SWT1: variants seen among roughly 807,000 people sequenced by gnomAD.
SWT1 encodes the protein SWT1 RNA endoribonuclease homolog.
SWT1 carries 33 observed loss-of-function variants against 107.3 expected under a neutral mutation model. That is an observed-to-expected ratio of 0.31 (90% CI 0.23 to 0.41). SWT1 has a LOEUF of 0.41. Among genes scored for constraint, SWT1 ranks in the 10% least tolerant of loss-of-function variants. SWT1 has a pLI of 1.00. For synonymous variants in SWT1, 345 were observed against 348.3 expected (o/e 0.99, Z 0.11); for missense variants, 898 against 1,028.9 (o/e 0.87, Z 1.74).
At chr1:185,236,194 C>T (rs1660861983) in intron 16 of SWT1, among the ~76,000 whole-genome samples, 1 of 152,120 alleles carries the variant, frequency 6.6e-6, no homozygotes, top group South Asian at 2.1e-4. Context: ...TTGGAAAAAA[C>T]TACTTTAAAT....
chr1:185,206,727 T>G lies in SWT1; in HGVS notation c.1936T>G (p.Leu646Val), dbSNP rs2102469143. Residue 646 changes from leucine (L) to valine (V), a missense_variant, in exon 13 of 19, where the codon TTA (leucine) becomes GTA (valine). Coordinates refer to ENST00000367500, the MANE Select transcript of SWT1 (RefSeq NM_017673.7). ...FGLVMEKNLL[L>V]TIESLYKNLR... Reference sequence around the variant, plus strand: ...ATTAGTTATGGAAAAGAACTTGCTTTTAACTATTGAGAGCCTATACAAAAA... The same window carrying G: ...ATTAGTTATGGAAAAGAACTTGCTTGTAACTATTGAGAGCCTATACAAAAA... 1 of 1,607,254 alleles carries G rather than the reference T, an allele frequency of 6.2e-7. No homozygotes were observed. Among genetic ancestry groups the G allele is most frequent in the African/African-American group, 1.3e-5 (1 of 74,776 alleles).
intron 15 of SWT1, among the ~76,000 whole-genome samples, chr1:185,230,224 T>C (rs546639483): frequency 6.6e-6 from 1 of 152,180 alleles, no homozygotes; most frequent in Non-Finnish European, 1.5e-5. Flanking sequence ...CTCATTCTTG[T>C]TTTTTAGGAA....
chr1:185,224,508 A>G (rs1355680792), intron 15 of SWT1, among the ~76,000 whole-genome samples: 2 of 151,850 alleles, frequency 1.3e-5, no homozygotes, highest in Non-Finnish European at 2.9e-5. Context: ...TTTTGTTTCT[A>G]TGAAGAATGA....
chr1:185,184,351 A>G lies in SWT1; in HGVS notation c.1240+7A>G, dbSNP rs376240419. On this transcript the variant is annotated splice_region_variant and intron_variant, in intron 8 of 18. Transcript: ENST00000367500. Reference sequence around the variant, plus strand: ...AAGACAACAGAAGTACCAGGTATTTACAGAACATATTTAAAGATTCTGATT... The same window carrying G: ...AAGACAACAGAAGTACCAGGTATTTGCAGAACATATTTAAAGATTCTGATT... 3.3e-5 allele frequency: 47 copies of G among 1,416,622 alleles called. No homozygotes were observed. The highest frequency in any genetic ancestry group is 4.6e-5 in the Non-Finnish European group (47 of 1,019,802). 87.8% of individuals were successfully genotyped at this position (1,416,622 alleles called of 1,614,324 possible).
intron 13 of SWT1, among the ~76,000 whole-genome samples, chr1:185,213,246 C>T (rs1312413004): frequency 6.6e-6 from 1 of 152,152 alleles, no homozygotes; most frequent in Non-Finnish European, 1.5e-5. Context: ...TTATATCTTC[C>T]TCAGGGGATT....
intron 16 of SWT1, among the ~76,000 whole-genome samples, chr1:185,233,233 G>T (rs1660620118): frequency 6.6e-6 from 1 of 152,010 alleles, no homozygotes; most frequent in South Asian, 2.1e-4. Flanking sequence ...AAATAGGAAT[G>T]ATCTTTTCAA....
chr1:185,258,357 A>G (rs553388771), intron 16 of SWT1, among the ~76,000 whole-genome samples: 40 of 152,234 alleles, frequency 2.6e-4, no homozygotes, highest in African/African-American at 8.4e-4. Flanking sequence ...ATTATTTGTT[A>G]CTATATAACA....
rs78263586 is a variant in SWT1 at position 185,287,617 on chromosome 1, T to C, written c.2574-3057T>C. Among the ~76,000 whole-genome samples the C allele has an allele frequency of 5.5e-3, 841 of 152,284 alleles. 35 individuals are homozygous for C. The East Asian group carries it at 0.093, about 17-fold the overall frequency. On this transcript the variant is annotated intron_variant, in intron 18 of 18. Coordinates refer to ENST00000367500, the MANE Select transcript of SWT1 (RefSeq NM_017673.7). ...TGTCCCATCACCAGGAGGGAAAAGCTGAGGTCAGATGACTCACTGGAGATG... is the reference window on the plus strand; with the variant it reads ...TGTCCCATCACCAGGAGGGAAAAGCCGAGGTCAGATGACTCACTGGAGATG...
chr1:185,163,603 C>T (rs1654341608), intron 2 of SWT1, among the ~76,000 whole-genome samples: 1 of 152,078 alleles, frequency 6.6e-6, no homozygotes, highest in South Asian at 2.1e-4. Flanking sequence ...ACTGTGTTGG[C>T]CAGGCTGGTC....
intron 16 of SWT1, among the ~76,000 whole-genome samples, chr1:185,237,636 G>T (rs750957967): frequency 6.6e-6 from 1 of 152,024 alleles, no homozygotes; most frequent in Admixed American, 6.6e-5. Context: ...ACAATGGAAC[G>T]TGTATACCTA....
intron 14 of SWT1, among the ~76,000 whole-genome samples, chr1:185,216,372 C>T (rs987985847): frequency 2.0e-5 from 3 of 151,784 alleles, no homozygotes; most frequent in Non-Finnish European, 2.9e-5. Context: ...TCTCCTTTCC[C>T]GTCACAAAAT....
chr1:185,161,044 A>C lies in SWT1; in HGVS notation c.84+119A>C. 3 of 748,110 alleles carry C rather than the reference A, an allele frequency of 4.0e-6. No homozygotes were observed. In the South Asian group the frequency reaches 5.7e-5, roughly 14 times the overall value. 46.3% of individuals were successfully genotyped at this position (748,110 alleles called of 1,614,324 possible). On this transcript the variant is annotated intron_variant, in intron 2 of 18. Transcript: ENST00000367500. Reference sequence around the variant, plus strand: ...ATATTTTGTTCTGCTCAGCCGATCCAGGAAAAGTCATTTGCTTTTCCGGTT... The same window carrying C: ...ATATTTTGTTCTGCTCAGCCGATCCCGGAAAAGTCATTTGCTTTTCCGGTT...
At chr1:185,251,980 T>C (rs1302203224) in intron 16 of SWT1, among the ~76,000 whole-genome samples, 1 of 151,428 alleles carries the variant, frequency 6.6e-6, no homozygotes, top group Non-Finnish European at 1.5e-5. Flanking sequence ...GAGTGTGATA[T>C]TCCCCTTCCT....
intron 9 of SWT1, among the ~76,000 whole-genome samples, 172 bp from the exon 10 acceptor site, chr1:185,190,377 A>G (rs1412257773): frequency 6.6e-6 from 1 of 152,112 alleles, no homozygotes; most frequent in Non-Finnish European, 1.5e-5. Context: ...GGTGTTGTAC[A>G]CTCTGTGGAT....
At chr1:185,259,954 A>T (rs141967375) in intron 16 of SWT1, among the ~76,000 whole-genome samples, 5 of 152,182 alleles carry the variant, frequency 3.3e-5, no homozygotes, top group Non-Finnish European at 7.4e-5. Flanking sequence ...TATCAGCAGT[A>T]CGTTTGCAAA....
intron 3 of SWT1, among the ~76,000 whole-genome samples, chr1:185,167,141 C>CAAG (rs1470867180): frequency 6.6e-6 from 1 of 152,170 alleles, no homozygotes; most frequent in East Asian, 1.9e-4. Context: ...CTCCTGACCT[C>CAAG]AAGTGATCTG....
intron 16 of SWT1, among the ~76,000 whole-genome samples, chr1:185,265,297 T>G (rs1281998818): frequency 6.6e-6 from 1 of 152,204 alleles, no homozygotes; most frequent in Admixed American, 6.5e-5. Context: ...TATGGCATTT[T>G]TTTCAAAATC....
chr1:185,196,111 T>G (rs1657365884), intron 10 of SWT1, among the ~76,000 whole-genome samples: 1 of 152,148 alleles, frequency 6.6e-6, no homozygotes, highest in Non-Finnish European at 1.5e-5. Context: ...TCTTCTAGGG[T>G]TTTTATGGTT....
At chr1:185,189,685 A>G (rs1415228827) in intron 9 of SWT1, among the ~76,000 whole-genome samples, 1 of 152,130 alleles carries the variant, frequency 6.6e-6, no homozygotes, top group East Asian at 1.9e-4. Flanking sequence ...TTAATAGCGA[A>G]CTAACCACAT....
Sources: gnomAD v4.1 joint callset for allele counts (sites outside exome capture counted in the v4.1 genomes callset) on GRCh38, gnomAD v4.1.1 for gene constraint, MANE v1.5 for transcripts, NCBI Gene and HGNC (gene_info 2026-07-23, HGNC 2026-07-21) for gene names.